The following MINDY3 variants were observed in gnomAD, a reference collection of about 807,000 sequenced individuals.
The protein encoded by MINDY3 is ubiquitin carboxyl-terminal hydrolase MINDY-3.
MINDY3 carries 38 observed loss-of-function variants against 69.2 expected under a neutral mutation model. That is an observed-to-expected ratio of 0.55 (90% CI 0.42 to 0.72). The LOEUF is 0.72. Among genes scored for constraint, MINDY3 ranks in the 30% least tolerant of loss-of-function variants. MINDY3 has a pLI of 0.00. For missense variants in MINDY3, 522 were observed against 519.0 expected, an observed-to-expected ratio of 1.01 and a Z score of -0.06; for synonymous variants, 192 against 180.1, an observed-to-expected ratio of 1.07 and a Z score of -0.53.
At chr10:15,857,899 CT>C (rs1196050602) in intron 1 of MINDY3, 2 of 963,010 alleles carry the variant, frequency 2.1e-6, no homozygotes, top group Non-Finnish European at 2.5e-6. Context: ...TGCCAAACAT[CT>C]TACATCTGTA....
chr10:15,833,604 A>C, intron 8 of MINDY3, 26 bp downstream of exon 8: 1 of 1,379,910 alleles, frequency 7.2e-7, no homozygotes, highest in Non-Finnish European at 1.0e-6. Context: ...CATCAAAGAG[A>C]GCAACATAAC....
At chr10:15,845,771 T>C (rs898530118) in intron 2 of MINDY3, among the ~76,000 whole-genome samples, 12 of 150,108 alleles carry the variant, frequency 8.0e-5, no homozygotes, top group African/African-American at 2.7e-4. Flanking sequence ...CCTCCCAAAG[T>C]GCTGGGCTTA....
At chr10:15,822,342 A>G (rs868045126) in intron 8 of MINDY3, among the ~76,000 whole-genome samples, 2,341 of 152,310 alleles carry the variant, frequency 0.015, 48 homozygotes, top group African/African-American at 0.05. Context: ...CTGTACACAC[A>G]CACACACGGA....
intron 1 of MINDY3, among the ~76,000 whole-genome samples, chr10:15,850,082 C>G (rs971257365): frequency 1.8e-4 from 27 of 152,164 alleles, no homozygotes; most frequent in African/African-American, 5.3e-4. Context: ...TAATTTCTTA[C>G]GCCTGTCTTT....
rs1457367077 is a variant in MINDY3 at position 15,781,765 on chromosome 10, C to T, written c.1188+390G>A. 5.3e-5 allele frequency among the ~76,000 whole-genome samples: 8 copies of T among 152,244 alleles called. No homozygotes were observed. The East Asian group carries it at 1.5e-3, about 29-fold the overall frequency. On this transcript the variant is annotated intron_variant, in intron 14 of 14. Transcript: ENST00000277632. Reference sequence around the variant, plus strand: ...CGGGTAAATGCTCAATATATGCTGACTATGAAGGTTATTTATTTAAAAATA... The same window carrying T: ...CGGGTAAATGCTCAATATATGCTGATTATGAAGGTTATTTATTTAAAAATA...
chr10:15,795,581 A>C (rs1217513901), intron 11 of MINDY3, among the ~76,000 whole-genome samples: 5 of 152,176 alleles, frequency 3.3e-5, no homozygotes, highest in African/African-American at 1.2e-4. Context: ...AAAGTGATCA[A>C]AACAACCTCA....
chr10:15,854,899 T>C (rs1834586512), intron 1 of MINDY3, among the ~76,000 whole-genome samples: 1 of 152,074 alleles, frequency 6.6e-6, no homozygotes, highest in African/African-American at 2.4e-5. Context: ...AGGTCCAACC[T>C]AGGAACAAGA....
intron 11 of MINDY3, among the ~76,000 whole-genome samples, chr10:15,792,452 C>T (rs955203848): frequency 2.0e-5 from 3 of 152,030 alleles, no homozygotes; most frequent in Admixed American, 6.6e-5. Context: ...TGGCACTATA[C>T]AGAAAACTGT....
chr10:15,811,518 C>G (rs1015266001), intron 10 of MINDY3, among the ~76,000 whole-genome samples: 1 of 152,126 alleles, frequency 6.6e-6, no homozygotes, highest in Non-Finnish European at 1.5e-5. Flanking sequence ...TAACACAACA[C>G]AAACACAAAT....
chr10:15,815,827 G>C (rs1839318460), intron 10 of MINDY3, among the ~76,000 whole-genome samples: 1 of 152,216 alleles, frequency 6.6e-6, no homozygotes. Context: ...AGGGGGCTGA[G>C]AGATGTTAAG....
intron 1 of MINDY3, among the ~76,000 whole-genome samples, chr10:15,852,666 T>C (rs1337099813): frequency 1.3e-5 from 2 of 152,136 alleles, no homozygotes; most frequent in African/African-American, 2.4e-5. Context: ...AATCATGTCA[T>C]TGGGAATACT....
At chr10:15,851,481 C>T (rs953473970) in intron 1 of MINDY3, among the ~76,000 whole-genome samples, 1 of 151,848 alleles carries the variant, frequency 6.6e-6, no homozygotes. Flanking sequence ...GTCTCTTACC[C>T]CTTGTAAATG....
At chr10:15,794,037 C>T (rs1837623213) in intron 11 of MINDY3, among the ~76,000 whole-genome samples, 1 of 152,032 alleles carries the variant, frequency 6.6e-6, no homozygotes, top group African/African-American at 2.4e-5. Context: ...GACTGCAAAT[C>T]CACCTACCTG....
At chr10:15,821,582 G>C in intron 9 of MINDY3, 74 bp downstream of exon 9, 3 of 1,130,954 alleles carry the variant, frequency 2.7e-6, no homozygotes, top group East Asian at 2.4e-5. Flanking sequence ...TGTGCTGTCA[G>C]AGGAACAAAA....
At chr10:15,782,725 C>T (rs183031637) in intron 13 of MINDY3, among the ~76,000 whole-genome samples, 1 of 152,158 alleles carries the variant, frequency 6.6e-6, no homozygotes, top group Non-Finnish European at 1.5e-5. Flanking sequence ...TGAATATTGT[C>T]AACCATTAAT....
intron 8 of MINDY3, among the ~76,000 whole-genome samples, chr10:15,830,427 C>T (rs981998581): frequency 1.3e-5 from 2 of 152,272 alleles, no homozygotes; most frequent in South Asian, 4.1e-4. Context: ...TGTTTAATTC[C>T]ACACAGTTTA....
intron 10 of MINDY3, among the ~76,000 whole-genome samples, chr10:15,796,653 A>T (rs910456117): frequency 6.6e-6 from 1 of 152,016 alleles, no homozygotes; most frequent in Non-Finnish European, 1.5e-5. Context: ...TGCATTAAAA[A>T]TTTTAATTTA....
At chr10:15,806,591 T>A (rs962615278) in intron 10 of MINDY3, among the ~76,000 whole-genome samples, 7 of 152,080 alleles carry the variant, frequency 4.6e-5, no homozygotes, top group Non-Finnish European at 4.4e-5. Flanking sequence ...CTTCCATGAA[T>A]TTGCTTTACA....
intron 4 of MINDY3, 38 bp downstream of exon 4, chr10:15,841,388 A>G (rs766057949): frequency 2.0e-6 from 3 of 1,523,400 alleles, no homozygotes; most frequent in South Asian, 1.2e-5. Flanking sequence ...AAACAAAGGA[A>G]CAAGAAAAAA....
Sources: gnomAD v4.1 joint callset for allele counts (sites outside exome capture counted in the v4.1 genomes callset) on GRCh38, gnomAD v4.1.1 for gene constraint, MANE v1.5 for transcripts, NCBI Gene and HGNC (gene_info 2026-07-23, HGNC 2026-07-21) for gene names.